Variants in TANC2 observed in about 807,000 individuals in gnomAD.
TANC2 encodes the protein tetratricopeptide repeat, ankyrin repeat and coiled-coil containing 2, also known as protein TANC2.
TANC2 carries 26 observed loss-of-function variants against 210.5 expected under a neutral mutation model. The observed-to-expected ratio is 0.12, with a 90% CI of 0.09 to 0.17. The LOEUF is 0.17. TANC2 is among the 10% of genes least tolerant of loss of function. The probability of loss-of-function intolerance (pLI) is 1.00; values close to 1 mark genes in which losing one functional copy is unlikely to be tolerated. For synonymous variants in TANC2, 931 were observed against 967.1 expected (o/e 0.96, Z 0.69); for missense variants, 2,129 against 2,608.9 (o/e 0.82, Z 4.01).
chr17:63,397,227 A>T (rs2048193929), intron 18 of TANC2, among the ~76,000 whole-genome samples: 1 of 152,188 alleles, frequency 6.6e-6, no homozygotes, highest in Admixed American at 6.5e-5. Context: ...GTGAGCTGAG[A>T]TCATGCCATT....
At chr17:62,975,516 C>T (rs2143315565) in intron 1 of TANC2, among the ~76,000 whole-genome samples, 1 of 151,116 alleles carries the variant, frequency 6.6e-6, no homozygotes, top group Non-Finnish European at 1.5e-5. Flanking sequence ...GCCTCAGGAT[C>T]AGAGAATCAG....
chr17:63,360,824 C>T (rs948341386), intron 14 of TANC2, among the ~76,000 whole-genome samples: 1 of 152,162 alleles, frequency 6.6e-6, no homozygotes, highest in Non-Finnish European at 1.5e-5. Context: ...GGTAACCTTC[C>T]CCTACTCTCT....
rs560583862 is a variant in TANC2, at chr17:63,360,770, C to G, written c.2582+5380C>G. Among the ~76,000 whole-genome samples, 15 of 152,224 alleles carry G rather than the reference C, an allele frequency of 9.9e-5. No individual in the cohort carries two copies. In the South Asian group the frequency reaches 1.5e-3, roughly 15 times the overall value. On this transcript the variant is annotated intron_variant, in intron 14 of 27. Transcript: ENST00000689528. ...TTTTGTACCCATTAGCCATGCCCCC[C>G]CTTTCCACCAACCCCTCCCCAGTCC... is the stretch of plus-strand genomic sequence containing the variant.
chr17:62,990,657 A>C (rs936292297), intron 1 of TANC2, among the ~76,000 whole-genome samples: 2 of 152,186 alleles, frequency 1.3e-5, no homozygotes, highest in African/African-American at 4.8e-5. Context: ...TGAGTTTCAA[A>C]ATATAGAAGT....
intron 14 of TANC2, among the ~76,000 whole-genome samples, chr17:63,374,171 G>A (rs1396349407): frequency 2.6e-5 from 4 of 151,272 alleles, no homozygotes; most frequent in African/African-American, 9.7e-5. Context: ...CAAGTAACTG[G>A]AACTACAGGC....
chr17:63,231,515 T>C (rs1220451521), intron 7 of TANC2, among the ~76,000 whole-genome samples: 1 of 152,234 alleles, frequency 6.6e-6, no homozygotes, highest in Non-Finnish European at 1.5e-5. Context: ...CCTTCGCTTA[T>C]GAAGCTTAGT....
chr17:63,422,335 C>G (rs2049046173), exon 28 of TANC2: 1 of 184,034 alleles, frequency 5.4e-6, no homozygotes, highest in Admixed American at 5.3e-5. Flanking sequence ...ATAAGGTGTT[C>G]TTGTTCGTTT....
chr17:63,123,807 A>G (rs554788781), intron 4 of TANC2, among the ~76,000 whole-genome samples: 33 of 145,778 alleles, frequency 2.3e-4, no homozygotes, highest in Admixed American at 7.7e-4. Context: ...AGTTCAAGCA[A>G]TTCTCTGCCT....
chr17:62,992,612 A>G (rs1458365023), intron 1 of TANC2, among the ~76,000 whole-genome samples: 1 of 152,262 alleles, frequency 6.6e-6, no homozygotes, highest in Non-Finnish European at 1.5e-5. Context: ...TTACTCTTAC[A>G]TATAAAAAGA....
chr17:63,213,882 G>A (rs1326629830), intron 7 of TANC2, among the ~76,000 whole-genome samples: 1 of 152,196 alleles, frequency 6.6e-6, no homozygotes, highest in African/African-American at 2.4e-5. Context: ...CACCAGGACT[G>A]CCTTAGCATA....
intron 7 of TANC2, among the ~76,000 whole-genome samples, chr17:63,217,219 A>T (rs2042048498): frequency 6.6e-6 from 1 of 152,224 alleles, no homozygotes; most frequent in Admixed American, 6.5e-5. Context: ...AGCAGAGATC[A>T]GTTAAATAGA....
rs117326320 is a variant in TANC2 at position 63,304,515 on chromosome 17, G to A, written c.1160-9873G>A. ...ACCTGATGCCAGTAGGAACGCTTCT[G>A]TATAGGGTGTCTGACAACCCCTGTT... On this transcript the variant is annotated intron_variant, in intron 9 of 27. Coordinates refer to ENST00000689528, the Ensembl canonical transcript of TANC2. Among the ~76,000 whole-genome samples the A allele has an allele frequency of 8.0e-3, 1,220 of 152,270 alleles. 7 individuals are homozygous for A. The highest frequency in any genetic ancestry group is 0.012 in the Admixed American group (183 of 15,298).
At chr17:63,416,841 A>G (rs1007227823) in intron 26 of TANC2, among the ~76,000 whole-genome samples, 1 of 152,142 alleles carries the variant, frequency 6.6e-6, no homozygotes, top group South Asian at 2.1e-4. Context: ...CCGGGAAGGG[A>G]GAAGGTGGCG....
chr17:63,067,126 C>G (rs567368079), intron 2 of TANC2, among the ~76,000 whole-genome samples: 17 of 152,162 alleles, frequency 1.1e-4, no homozygotes, highest in Non-Finnish European at 2.2e-4. Flanking sequence ...TTAAAGAAGA[C>G]TTGGAGTTTC....
intron 3 of TANC2, among the ~76,000 whole-genome samples, chr17:63,089,777 T>A (rs1411034888): frequency 6.6e-6 from 1 of 152,198 alleles, no homozygotes; most frequent in Non-Finnish European, 1.5e-5. Flanking sequence ...TGTTATTGTG[T>A]GTATTATGTT....
intron 14 of TANC2, among the ~76,000 whole-genome samples, chr17:63,362,638 G>T (rs2046999495): frequency 6.6e-6 from 1 of 152,216 alleles, no homozygotes; most frequent in Non-Finnish European, 1.5e-5. Flanking sequence ...GGCAGCATGG[G>T]GCTGGCGTGT....
At chr17:63,324,251 G>C (rs2045578034) in intron 11 of TANC2, among the ~76,000 whole-genome samples, 3 of 152,090 alleles carry the variant, frequency 2.0e-5, no homozygotes, top group Non-Finnish European at 4.4e-5. Context: ...GTGTCACAGA[G>C]ATACAAAAAG....
Position 63,389,562 on chromosome 17 carries a change from C to G in TANC2, c.3051+18C>G. The G allele has an allele frequency of 6.3e-7, 1 of 1,583,944 alleles. No individual in the cohort carries two copies. Among genetic ancestry groups the G allele is most frequent in the Non-Finnish European group, 8.6e-7 (1 of 1,163,518 alleles). ...GGGCCAAGGTACTGGCTGCCCAGCTCTGCTGCTTTTCTTCCCTTTTTCTTT... is the reference window on the plus strand; with the variant it reads ...GGGCCAAGGTACTGGCTGCCCAGCTGTGCTGCTTTTCTTCCCTTTTTCTTT... On this transcript the variant is annotated intron_variant, in intron 17 of 27. Coordinates refer to ENST00000689528, the Ensembl canonical transcript of TANC2.
At chr17:63,208,607 G>A (rs1388037952) in intron 7 of TANC2, among the ~76,000 whole-genome samples, 1 of 152,082 alleles carries the variant, frequency 6.6e-6, no homozygotes, top group Admixed American at 6.5e-5. Flanking sequence ...AATGAGTGAT[G>A]AATTTACAAC....
Sources: allele counts gnomAD v4.1 joint callset (sites outside exome capture counted in the v4.1 genomes callset), GRCh38; gene constraint gnomAD v4.1.1; transcripts MANE v1.5; gene names NCBI Gene and HGNC (gene_info 2026-07-23, HGNC 2026-07-21).